The following NDST1 variants were observed in gnomAD, a reference collection of about 807,000 sequenced individuals.
NDST1 encodes the protein bifunctional heparan sulfate N-deacetylase/N-sulfotransferase 1.
NDST1 carries 35 observed loss-of-function variants against 92.8 expected under a neutral mutation model. The observed-to-expected ratio is 0.38, with a 90% CI of 0.29 to 0.50. NDST1 has a LOEUF of 0.50. NDST1 is among the 20% of genes least tolerant of loss of function. The pLI, the probability that NDST1 is intolerant of heterozygous loss-of-function variation, is 0.94. For missense variants in NDST1, 822 were observed against 1,182.7 expected (o/e 0.69, Z 4.47); for synonymous variants, 493 against 500.3 (o/e 0.99, Z 0.19).
At chr5:150,500,166 C>G (rs1753168649) in intron 1 of NDST1, among the ~76,000 whole-genome samples, 1 of 152,220 alleles carries the variant, frequency 6.6e-6, no homozygotes, top group Non-Finnish European at 1.5e-5. Flanking sequence ...TGCAATTGTT[C>G]TGGCTACAGG....
At chr5:150,502,103 A>G (rs1345381672) in intron 1 of NDST1, among the ~76,000 whole-genome samples, 1 of 152,060 alleles carries the variant, frequency 6.6e-6, no homozygotes, top group Non-Finnish European at 1.5e-5. Flanking sequence ...TTGTTGTTTG[A>G]GTCTGAGTGG....
intron 4 of NDST1, among the ~76,000 whole-genome samples, chr5:150,533,634 C>A (rs1754846384): frequency 1.3e-5 from 2 of 152,174 alleles, no homozygotes; most frequent in Admixed American, 6.5e-5. Flanking sequence ...CTGCCTTCTG[C>A]CCAGGCCTCA....
At chr5:150,518,852 C>T (rs1043817723) in intron 1 of NDST1, 3 of 152,082 alleles carry the variant, frequency 2.0e-5, no homozygotes, top group African/African-American at 7.3e-5. Context: ...TCTCGGCTCA[C>T]TGCACCCTCC....
At position 150,553,889 on chromosome 5, in the gene NDST1, C is replaced by T; in HGVS notation, c.*557C>T. On this transcript the variant is annotated 3_prime_UTR_variant, in exon 15 of 15. Transcript: ENST00000261797. This position sits in a 1 kb window ranked among gnomAD's most constrained non-coding sequence, Gnocchi z 4.2. Reference sequence around the variant, plus strand: ...GGACTCCCAGCCTCCACATCTGGTTCCTACCTTCACATCTCACCCTCCCGT... The same window carrying T: ...GGACTCCCAGCCTCCACATCTGGTTTCTACCTTCACATCTCACCCTCCCGT... 2.3e-6 allele frequency: 1 copy of T among 427,906 alleles called. No individual in the cohort carries two copies. The highest frequency in any genetic ancestry group is 8.2e-5 in the South Asian group (1 of 12,170). 26.5% of individuals were successfully genotyped at this position (427,906 alleles called of 1,614,324 possible).
chr5:150,529,795 A>AAAAGAGACTTG (rs1204941788), intron 3 of NDST1, among the ~76,000 whole-genome samples: 1 of 152,232 alleles, frequency 6.6e-6, no homozygotes, highest in African/African-American at 2.4e-5. Flanking sequence ...GGAGGCTTTA[A>AAAAGAGACTTG]AAAGAGACTT....
At chr5:150,509,429 C>T (rs1045884188) in intron 1 of NDST1, among the ~76,000 whole-genome samples, 5 of 152,196 alleles carry the variant, frequency 3.3e-5, no homozygotes, top group East Asian at 1.9e-4. Context: ...TTGTCCTTTG[C>T]GGTGCCCTGC....
At chr5:150,512,365 A>G (rs750712697) in intron 1 of NDST1, among the ~76,000 whole-genome samples, 2 of 152,134 alleles carry the variant, frequency 1.3e-5, no homozygotes, top group Non-Finnish European at 2.9e-5. Flanking sequence ...TCCCCCATTC[A>G]CTGCAGCCAT....
At chr5:150,535,561 C>G in intron 5 of NDST1, 139 bp from the exon 6 acceptor site, 3 of 1,225,620 alleles carry the variant, frequency 2.4e-6, no homozygotes, top group South Asian at 1.3e-5. Context: ...GCCTCAGCTT[C>G]CCATCTTACC....
At position 150,555,436 on chromosome 5, in the gene NDST1, G is replaced by A. The variant is rs1755849998; in HGVS notation, c.*2104G>A. ...CACTCAGTGGGACCAGCTGCAGGTG[G>A]TTTCACTGTGTACACAGCAGTGTCC... On this transcript the variant is annotated 3_prime_UTR_variant, in exon 15 of 15. Transcript: ENST00000261797. The A allele has an allele frequency of 6.5e-6, 1 of 152,780 alleles. No individual in the cohort carries two copies. Among genetic ancestry groups the A allele is most frequent in the Admixed American group, 6.5e-5 (1 of 15,292 alleles). 9.5% of individuals were successfully genotyped at this position (152,780 alleles called of 1,614,324 possible).
chr5:150,540,291 T>A (rs1755184787), intron 8 of NDST1, 27 bp downstream of exon 8: 1 of 1,579,968 alleles, frequency 6.3e-7, no homozygotes, highest in African/African-American at 1.3e-5. Context: ...CCTGGGCAGG[T>A]TGCTACAGGG....
At chr5:150,509,500 C>T (rs1753619546) in intron 1 of NDST1, among the ~76,000 whole-genome samples, 1 of 152,124 alleles carries the variant, frequency 6.6e-6, no homozygotes, top group Non-Finnish European at 1.5e-5. Flanking sequence ...GAGGCCTCTG[C>T]CTGGGGCAGG....
At position 150,502,591 on chromosome 5, in the gene NDST1, T is replaced by G. The variant is rs1753284416; in HGVS notation, c.-388+4352T>G. Among the ~76,000 whole-genome samples the G allele has an allele frequency of 1.3e-5, 2 of 152,046 alleles. 1 individual carries two copies. The highest frequency in any genetic ancestry group is 4.8e-5 in the African/African-American group (2 of 41,392). ...TGCTGTCAGGAACAGCAACAGGGGT[T>G]GTGTGAGGGGCCCCAATGCTAGGAG... On this transcript the variant is annotated intron_variant, in intron 1 of 1. Coordinates refer to the NDST1 transcript ENST00000518299.
intron 1 of NDST1, among the ~76,000 whole-genome samples, chr5:150,518,033 A>G (rs1437642637): frequency 1.3e-5 from 2 of 152,150 alleles, no homozygotes; most frequent in East Asian, 3.8e-4. Context: ...AAACAGGACC[A>G]GTCACCCCAG....
At chr5:150,534,797 C>T in intron 4 of NDST1, 70 bp from the exon 5 acceptor site, 1 of 1,603,084 alleles carries the variant, frequency 6.2e-7, no homozygotes. Flanking sequence ...TCTCCCATCC[C>T]CAGGCACAGG....
At position 150,521,536 on chromosome 5, in the gene NDST1, G is replaced by A. The variant is rs372526615; in HGVS notation, c.282G>A (p.Ser94=). Residue 94 remains serine, a synonymous_variant, in exon 2 of 15, where the codon TCG becomes TCA. Transcript: ENST00000261797. This position sits in a 1 kb window ranked among gnomAD's most constrained non-coding sequence, Gnocchi z 5.9. ...LVLVFVESLY[S]QLGQEVVAIL... is the part of the protein sequence containing the mutation. ...TGGTCTTTGTGGAGAGCCTCTACTC[G>A]CAACTGGGCCAGGAGGTGGTGGCCA... The A allele has an allele frequency of 1.7e-5, 28 of 1,613,820 alleles. No homozygotes were observed. The highest frequency in any genetic ancestry group is 9.3e-5 in the African/African-American group (7 of 74,898).
chr5:150,521,115 C>A lies in NDST1; in HGVS notation c.-140C>A, dbSNP rs1239764030. 9 of 738,414 alleles carry A rather than the reference C, an allele frequency of 1.2e-5. No individual in the cohort carries two copies. The highest frequency in any genetic ancestry group is 2.0e-5 in the Non-Finnish European group (9 of 459,344). The allele number at this position is 738,414 out of a possible 1,614,324, so 45.7% of individuals were successfully genotyped here. A position where few individuals can be genotyped will look rare whatever the true frequency, so the allele number is the denominator to read the frequency against. ...ACTGGGGGCCCAGATCCTCCACTCC[C>A]AGTGCCCCACAAGGGCGTCGCTTCC... On this transcript the variant is annotated 5_prime_UTR_variant, in exon 2 of 15. Transcript: ENST00000261797. This position sits in a 1 kb window ranked among gnomAD's most constrained non-coding sequence, Gnocchi z 5.9.
chr5:150,536,021 C>G (rs927444610), intron 6 of NDST1, 136 bp downstream of exon 6: 2 of 1,042,026 alleles, frequency 1.9e-6, no homozygotes, highest in Non-Finnish European at 2.9e-6. Context: ...GCTGCCTCCT[C>G]TGGCACCCGA....
At chr5:150,503,077 C>T (rs1753302375) in intron 1 of NDST1, among the ~76,000 whole-genome samples, 1 of 152,070 alleles carries the variant, frequency 6.6e-6, no homozygotes, top group Non-Finnish European at 1.5e-5. Context: ...TCAATTTTCT[C>T]ATCTGTAGAA....
In NDST1 at chr5:150,534,849, C is replaced by T. The variant is rs761839351; in HGVS notation, c.1097-18C>T. 10 of 1,614,146 alleles carry T rather than the reference C, an allele frequency of 6.2e-6. No homozygotes were observed. Among genetic ancestry groups the T allele is most frequent in the South Asian group, 1.1e-5 (1 of 91,094 alleles). ...TCATGGCCCAGTGGGTGGTTCTGAG[C>T]TGCCTGTGTTGCTGCAGGTACCAAT... On this transcript the variant is annotated intron_variant, in intron 4 of 14. Transcript: ENST00000261797.
Sources: allele counts gnomAD v4.1 joint callset (sites outside exome capture counted in the v4.1 genomes callset), GRCh38; gene constraint gnomAD v4.1.1; non-coding constraint Gnocchi (gnomAD v3.1); transcripts MANE v1.5; gene names NCBI Gene and HGNC (gene_info 2026-07-23, HGNC 2026-07-21).